Variants in TNFRSF1B observed in about 807,000 individuals in gnomAD.
The protein encoded by TNFRSF1B is tumor necrosis factor receptor superfamily member 1B.
TNFRSF1B carries 19 observed loss-of-function variants against 44.6 expected under a neutral mutation model. The observed-to-expected ratio is 0.43, with a 90% CI of 0.30 to 0.62. The LOEUF (loss-of-function observed/expected upper bound fraction) is 0.62. Among genes scored for constraint, TNFRSF1B ranks in the 20% least tolerant of loss-of-function variants. The probability of loss-of-function intolerance (pLI) is 0.16; values close to 1 mark genes in which losing one functional copy is unlikely to be tolerated. For synonymous variants in TNFRSF1B, 252 were observed against 261.1 expected, an observed-to-expected ratio of 0.97 and a Z score of 0.34; for missense variants, 541 against 619.9, an observed-to-expected ratio of 0.87 and a Z score of 1.35.
chr1:12,173,948 T>TG, intron 1 of TNFRSF1B, among the ~76,000 whole-genome samples: 1 of 152,070 alleles, frequency 6.6e-6, no homozygotes, highest in Middle Eastern at 3.4e-3. Context: ...TGTTCGCTGA[T>TG]GGGGGGTTGG....
rs545366621 is a variant in TNFRSF1B, at chr1:12,185,805, C to T, written c.79-2991C>T. Reference sequence around the variant, plus strand: ...GAGACTAGCAGCTGCTGAGCACCTACGCCCTGCTAGGCTGTGGGGCAACAG... The same window carrying T: ...GAGACTAGCAGCTGCTGAGCACCTATGCCCTGCTAGGCTGTGGGGCAACAG... On this transcript the variant is annotated intron_variant, in intron 1 of 9. Transcript: ENST00000376259. Among the ~76,000 whole-genome samples, 26 of 152,330 alleles carry T rather than the reference C, an allele frequency of 1.7e-4. 1 individual carries two copies. Among genetic ancestry groups the T allele is most frequent in the South Asian group, 8.3e-4 (4 of 4,828 alleles).
chr1:12,194,492 G>A (rs1202261016), intron 7 of TNFRSF1B, 92 bp from the exon 8 acceptor site: 3 of 1,405,618 alleles, frequency 2.1e-6, no homozygotes, highest in Non-Finnish European at 2.0e-6. Context: ...GGGCCTCTCT[G>A]CTGGTTCTAT....
intron 8 of TNFRSF1B, among the ~76,000 whole-genome samples, chr1:12,197,253 C>T (rs1639286491): frequency 6.6e-6 from 1 of 152,180 alleles, no homozygotes; most frequent in African/African-American, 2.4e-5. Context: ...TGGCCCCTTT[C>T]CTTTCACTGT....
intron 6 of TNFRSF1B, among the ~76,000 whole-genome samples, chr1:12,193,327 C>T (rs1446074615): frequency 6.6e-6 from 1 of 152,196 alleles, no homozygotes. Flanking sequence ...AATCCCAGTG[C>T]TTTGGGAGGC....
Position 12,206,877 on chromosome 1 carries a change from T to A in TNFRSF1B, c.1243T>A (p.Ser415Thr). Residue 415 changes from serine to threonine, a missense_variant, in exon 10 of 10, where the codon TCC (serine) becomes ACC (threonine). Transcript: ENST00000376259. ...MGDTDSSPSESPKDEQVPFSK... is the reference protein window; with the variant it reads ...MGDTDSSPSETPKDEQVPFSK... Reference sequence around the variant, plus strand: ...AGACACAGATTCCAGCCCCTCGGAGTCCCCGAAGGACGAGCAGGTCCCCTT... The same window carrying A: ...AGACACAGATTCCAGCCCCTCGGAGACCCCGAAGGACGAGCAGGTCCCCTT... 1 of 1,613,980 alleles carries A rather than the reference T, an allele frequency of 6.2e-7. No individual in the cohort carries two copies. Among genetic ancestry groups the A allele is most frequent in the South Asian group, 1.1e-5 (1 of 91,064 alleles).
At chr1:12,185,187 G>C (rs1638954425) in intron 1 of TNFRSF1B, among the ~76,000 whole-genome samples, 1 of 152,178 alleles carries the variant, frequency 6.6e-6, no homozygotes, top group Non-Finnish European at 1.5e-5. Context: ...TTGGATGCCG[G>C]GTCTCGGCCA....
intron 1 of TNFRSF1B, 92 bp downstream of exon 1, chr1:12,167,261 G>T (rs1246173178): frequency 3.0e-6 from 3 of 1,008,988 alleles, no homozygotes; most frequent in Admixed American, 4.4e-5. Context: ...GCGCTCTCCC[G>T]GGGCGCTGTC....
At position 12,187,983 on chromosome 1, in the gene TNFRSF1B, G is replaced by A. The variant is rs1157144995; in HGVS notation, c.79-813G>A. Among the ~76,000 whole-genome samples, 1 of 152,188 alleles carries A rather than the reference G, an allele frequency of 6.6e-6. No homozygotes were observed. The highest frequency in any genetic ancestry group is 2.4e-5 in the African/African-American group (1 of 41,448). On this transcript the variant is annotated intron_variant, in intron 1 of 9. Coordinates refer to ENST00000376259, the MANE Select transcript of TNFRSF1B (RefSeq NM_001066.3). This position sits in a 1 kb window ranked among gnomAD's most constrained non-coding sequence, Gnocchi z 5.5. The stretch of plus-strand genomic sequence containing the variant: ...CCTGCTGGCAGCAGGGGTCTGAGTG[G>A]GGTGCAACAGCACCCACCAATTCGA...
At chr1:12,167,391 C>T (rs898326100) in intron 1 of TNFRSF1B, 4 of 425,886 alleles carry the variant, frequency 9.4e-6, no homozygotes, top group Non-Finnish European at 1.3e-5. Context: ...ACAACTCTGG[C>T]CCCCGAAGCC....
intron 7 of TNFRSF1B, among the ~76,000 whole-genome samples, 170 bp downstream of exon 7, chr1:12,194,202 A>G (rs761885846): frequency 6.6e-6 from 1 of 152,090 alleles, no homozygotes; most frequent in Non-Finnish European, 1.5e-5. Flanking sequence ...TGCTAACTTA[A>G]TTACTAAAAG....
In TNFRSF1B at chr1:12,208,303, C is replaced by T. The variant is rs2101135447; in HGVS notation, c.*1283C>T. 1 of 152,906 alleles carries T rather than the reference C, an allele frequency of 6.5e-6. No individual in the cohort carries two copies. The highest frequency in any genetic ancestry group is 1.9e-4 in the East Asian group (1 of 5,184). The allele number at this position is 152,906 out of a possible 1,614,324, so 9.5% of individuals were successfully genotyped here. A position where few individuals can be genotyped will look rare whatever the true frequency, so the allele number is the denominator to read the frequency against. ...CTCCTACCTCAGCCTAGACCCTCCT[C>T]CTCCCCCAGAGGGGTGGGTTCCTCT... On this transcript the variant is annotated 3_prime_UTR_variant, in exon 10 of 10. Coordinates refer to ENST00000376259, the MANE Select transcript of TNFRSF1B (RefSeq NM_001066.3).
intron 2 of TNFRSF1B, among the ~76,000 whole-genome samples, 191 bp downstream of exon 2, chr1:12,189,086 TC>T (rs1355820832): frequency 6.6e-6 from 1 of 152,208 alleles, no homozygotes; most frequent in Non-Finnish European, 1.5e-5. Context: ...CAACTCCCTT[TC>T]CCTGATTAAC....
chr1:12,183,699 TCTA>T (rs1448682071), intron 1 of TNFRSF1B, among the ~76,000 whole-genome samples: 1,087 of 102,284 alleles, frequency 0.011, 12 homozygotes, highest in Middle Eastern at 0.015. Context: ...TATCTATCTA[TCTA>T]TCTATCTATT....
intron 5 of TNFRSF1B, 80 bp from the exon 6 acceptor site, chr1:12,192,783 G>T: frequency 1.6e-6 from 2 of 1,261,364 alleles, no homozygotes; most frequent in South Asian, 2.7e-5. Flanking sequence ...TATCCTGCCT[G>T]CTGGGGCCCG....
In TNFRSF1B at chr1:12,194,022, C is replaced by T. The variant is rs201648206; in HGVS notation, c.855C>T (p.Thr285=). The change falls in exon 7 of 10, where the codon ACC becomes ACT. Residue 285 remains threonine (T), a synonymous_variant. Coordinates refer to ENST00000376259, the MANE Select transcript of TNFRSF1B (RefSeq NM_001066.3). ...GAGTGGTGAACTGTGTCATCATGAC[C>T]CAGGTGAAAAGTAAGAGTCCATCCT... The part of the protein sequence containing the change: ...IIGVVNCVIM[T]QVKKKPLCLQ... 1 of 1,613,724 alleles carries T rather than the reference C, an allele frequency of 6.2e-7. No homozygotes were observed. The highest frequency in any genetic ancestry group is 1.7e-5 in the Admixed American group (1 of 60,006).
Position 12,171,752 on chromosome 1 carries a change from C to T in TNFRSF1B, c.78+4583C>T, listed in dbSNP as rs1269711410. ...GCCTCTACTTATTGGATGGCAGTAG[C>T]GCCACCCTCCCTCGTGACAAAAATA... On this transcript the variant is annotated intron_variant, in intron 1 of 9. Transcript: ENST00000376259. This position sits in a 1 kb window ranked among gnomAD's most constrained non-coding sequence, Gnocchi z 4.5. Among the ~76,000 whole-genome samples the T allele has an allele frequency of 6.6e-6, 1 of 152,116 alleles. No homozygotes were observed. The highest frequency in any genetic ancestry group is 1.5e-5 in the Non-Finnish European group (1 of 68,028).
intron 2 of TNFRSF1B, among the ~76,000 whole-genome samples, chr1:12,190,140 C>A (rs1639080240): frequency 6.6e-6 from 1 of 152,128 alleles, no homozygotes; most frequent in Non-Finnish European, 1.5e-5. Flanking sequence ...CCGTCCCTAG[C>A]CATTTTAAGA....
chr1:12,203,833 G>T (rs1448098506), intron 9 of TNFRSF1B, among the ~76,000 whole-genome samples: 1 of 152,224 alleles, frequency 6.6e-6, no homozygotes, highest in Non-Finnish European at 1.5e-5. Flanking sequence ...AGGTTCAAGT[G>T]ATCCTCCCAC....
chr1:12,175,252 T>G (rs1411121861), intron 1 of TNFRSF1B, among the ~76,000 whole-genome samples: 1 of 152,216 alleles, frequency 6.6e-6, no homozygotes, highest in Non-Finnish European at 1.5e-5. Flanking sequence ...CGGCCTCTGC[T>G]TCCGGGAGAA....
Sources: gnomAD v4.1 joint callset for allele counts (sites outside exome capture counted in the v4.1 genomes callset) on GRCh38, gnomAD v4.1.1 for gene constraint, Gnocchi (gnomAD v3.1) non-coding constraint, MANE v1.5 for transcripts, NCBI Gene and HGNC (gene_info 2026-07-23, HGNC 2026-07-21) for gene names.